Variants in PDE4D observed in about 807,000 individuals in gnomAD.
The protein encoded by PDE4D is phosphodiesterase 4D.
PDE4D carries 24 observed loss-of-function variants against 87.4 expected under a neutral mutation model. That is an observed-to-expected ratio of 0.27 (90% CI 0.20 to 0.39). PDE4D has a LOEUF of 0.39. Among genes scored for constraint, PDE4D ranks in the 10% least tolerant of loss-of-function variants. The pLI, the probability that PDE4D is intolerant of heterozygous loss-of-function variation, is 1.00. For missense variants in PDE4D, 714 were observed against 1,041.0 expected (o/e 0.69, Z 4.32); for synonymous variants, 384 against 383.2 (o/e 1.00, Z -0.02).
intron 1 of PDE4D, chr5:59,528,940 C>T (rs182940710): frequency 1.6e-3 from 686 of 427,100 alleles, no homozygotes; most frequent in Non-Finnish European, 2.5e-3. Context: ...TGACATATCT[C>T]TGGAAGGCTG....
chr5:59,125,015 TATATC>T (rs568019042), intron 5 of PDE4D, among the ~76,000 whole-genome samples: 35 of 152,238 alleles, frequency 2.3e-4, no homozygotes, highest in African/African-American at 8.4e-4. Flanking sequence ...CCAAAAGACT[TATATC>T]TGCTACATGA....
At chr5:60,400,069 C>T (rs1740918134) in intron 1 of PDE4D, among the ~76,000 whole-genome samples, 1 of 152,332 alleles carries the variant, frequency 6.6e-6, no homozygotes, top group African/African-American at 2.4e-5. Context: ...GAGGCTTATC[C>T]TACCTTTGGA....
intron 6 of PDE4D, among the ~76,000 whole-genome samples, chr5:59,032,565 G>A (rs558685882): frequency 1.7e-4 from 26 of 152,294 alleles, no homozygotes; most frequent in Non-Finnish European, 3.4e-4. Flanking sequence ...GCGACAGAGC[G>A]AGACTCTGTC....
intron 5 of PDE4D, among the ~76,000 whole-genome samples, chr5:59,174,134 T>C (rs1307344532): frequency 2.0e-5 from 3 of 152,322 alleles, no homozygotes; most frequent in South Asian, 4.1e-4. Flanking sequence ...TTTTCCCCCT[T>C]ATTAATTCTT....
intron 1 of PDE4D, among the ~76,000 whole-genome samples, chr5:60,327,289 A>C (rs1445864299): frequency 1.3e-5 from 2 of 152,214 alleles, no homozygotes; most frequent in East Asian, 3.8e-4. Context: ...ACGTGTGAAG[A>C]CTAAAGGAAG....
intron 1 of PDE4D, among the ~76,000 whole-genome samples, chr5:59,870,790 T>C (rs1437326237): frequency 2.0e-5 from 3 of 152,180 alleles, no homozygotes; most frequent in Non-Finnish European, 4.4e-5. Context: ...AATTTAGTGC[T>C]TTCTTGGCTA....
At chr5:59,448,624 G>A (rs1015677949) in intron 1 of PDE4D, among the ~76,000 whole-genome samples, 54 of 152,174 alleles carry the variant, frequency 3.5e-4, no homozygotes, top group African/African-American at 1.2e-3. Flanking sequence ...GTAGAATAAT[G>A]TAGTAGAATG....
chr5:59,508,001 A>T (rs1188812983), intron 1 of PDE4D, among the ~76,000 whole-genome samples: 4 of 152,234 alleles, frequency 2.6e-5, no homozygotes, highest in Non-Finnish European at 5.9e-5. Context: ...CTCTAAAATT[A>T]TACTGGATGA....
intron 1 of PDE4D, among the ~76,000 whole-genome samples, chr5:60,415,852 C>T (rs1742484634): frequency 6.6e-6 from 1 of 152,242 alleles, no homozygotes; most frequent in Admixed American, 6.5e-5. Context: ...CGGTGCGGGA[C>T]CCACTGGGTG....
At chr5:60,107,789 C>G (rs890813513) in intron 2 of PDE4D, among the ~76,000 whole-genome samples, 1 of 152,060 alleles carries the variant, frequency 6.6e-6, no homozygotes, top group African/African-American at 2.4e-5. Context: ...GCAGAAAAGG[C>G]CTTTGACAAA....
At chr5:59,869,883 T>C (rs1349443547) in intron 1 of PDE4D, among the ~76,000 whole-genome samples, 1 of 152,172 alleles carries the variant, frequency 6.6e-6, no homozygotes, top group African/African-American at 2.4e-5. Context: ...AAAAGTTTTA[T>C]GTAAGAGTGA....
chr5:59,421,847 T>C (rs1199202066), intron 1 of PDE4D, among the ~76,000 whole-genome samples: 1 of 152,132 alleles, frequency 6.6e-6, no homozygotes, highest in Non-Finnish European at 1.5e-5. Context: ...CTGATTACTT[T>C]TGTACTCTCA....
chr5:59,056,608 A>G (rs1400400550), intron 5 of PDE4D, among the ~76,000 whole-genome samples: 1 of 151,236 alleles, frequency 6.6e-6, no homozygotes, highest in African/African-American at 2.4e-5. Context: ...TGCTCCCCCA[A>G]CCCCCACCAG....
intron 2 of PDE4D, among the ~76,000 whole-genome samples, chr5:60,004,273 C>T (rs899003327): frequency 2.6e-5 from 4 of 152,030 alleles, no homozygotes; most frequent in Non-Finnish European, 4.4e-5. Flanking sequence ...CATAGTTTTA[C>T]CTTGGTATCC....
Position 60,445,396 on chromosome 5 carries a change from C to T in PDE4D, c.-90+42546G>A, listed in dbSNP as rs7722153. On this transcript the variant is annotated intron_variant, in intron 1 of 16. Coordinates refer to the PDE4D transcript ENST00000502484. Reference sequence around the variant, plus strand: ...AAAAAGCAAAGGATAGATTATTCAACAAATCATTATTCCACTGGCAAGTGG... The same window carrying T: ...AAAAAGCAAAGGATAGATTATTCAATAAATCATTATTCCACTGGCAAGTGG... Among the ~76,000 whole-genome samples, 614 of 152,180 alleles carry T rather than the reference C, an allele frequency of 4.0e-3. 6 individuals are homozygous for T. The highest frequency in any genetic ancestry group is 0.014 in the African/African-American group (587 of 41,526).
At chr5:59,697,918 T>C (rs1752017687) in intron 1 of PDE4D, among the ~76,000 whole-genome samples, 1 of 152,202 alleles carries the variant, frequency 6.6e-6, no homozygotes. Flanking sequence ...CTTTATTTAC[T>C]GATTTTATGC....
chr5:60,262,432 A>G (rs1299158787), intron 1 of PDE4D: 1 of 152,138 alleles, frequency 6.6e-6, no homozygotes, highest in Non-Finnish European at 1.5e-5. Context: ...TGTACTTCTG[A>G]GCCTCGGCTT....
At chr5:60,391,020 T>G (rs968665413) in intron 1 of PDE4D, among the ~76,000 whole-genome samples, 1 of 152,182 alleles carries the variant, frequency 6.6e-6, no homozygotes, top group Non-Finnish European at 1.5e-5. Context: ...TTCCTATCAC[T>G]GTTACCTCCT....
chr5:59,624,330 T>C (rs1305774124), intron 1 of PDE4D, among the ~76,000 whole-genome samples: 1 of 151,960 alleles, frequency 6.6e-6, no homozygotes, highest in Non-Finnish European at 1.5e-5. Context: ...CCGATCACAA[T>C]GGTTCTTTCC....
Sources: gnomAD v4.1 joint callset for allele counts (sites outside exome capture counted in the v4.1 genomes callset) on GRCh38, gnomAD v4.1.1 for gene constraint, MANE v1.5 for transcripts, NCBI Gene and HGNC (gene_info 2026-07-23, HGNC 2026-07-21) for gene names.